The following SDHC variants were observed in gnomAD, a reference collection of about 807,000 sequenced individuals.
SDHC encodes the protein succinate dehydrogenase cytochrome b560 subunit, mitochondrial.
A neutral mutation model predicts 22.6 loss-of-function variants in SDHC; 11 were observed. The ratio of observed to expected loss-of-function variants is 0.49; its 90% CI spans 0.31 to 0.81. The LOEUF is 0.81. SDHC is among the 30% of genes least tolerant of loss of function. The pLI, the probability that SDHC is intolerant of heterozygous loss-of-function variation, is 0.05. For missense variants in SDHC, 160 were observed against 212.0 expected (o/e 0.75, Z 1.52); for synonymous variants, 80 against 77.8 (o/e 1.03, Z -0.15).
intron 3 of SDHC, among the ~76,000 whole-genome samples, chr1:161,330,172 C>T (rs1336580483): frequency 6.6e-6 from 1 of 152,168 alleles, no homozygotes; most frequent in Non-Finnish European, 1.5e-5. Flanking sequence ...ATACATTCAC[C>T]ACATCGCGGT....
At chr1:161,324,647 A>C (rs938139152) in intron 2 of SDHC, among the ~76,000 whole-genome samples, 34 of 152,296 alleles carry the variant, frequency 2.2e-4, no homozygotes, top group African/African-American at 8.2e-4. Flanking sequence ...AAACTGGTAA[A>C]ATATTAATGA....
chr1:161,340,614 T>C lies in SDHC; in HGVS notation c.200T>C (p.Met67Thr), dbSNP rs1287584713. ...TIYSWSLPMA[M>T]SICHRGTGIA... is the part of the protein sequence containing the mutation. The stretch of plus-strand genomic sequence containing the variant: ...TACAGTTGGTCTCTTCCCATGGCGA[T>C]GTCCATCTGCCACCGTGGCACTGGT... Residue 67 changes from methionine to threonine, a missense_variant, in exon 4 of 6, where the codon ATG becomes ACG. Physicochemically the swap from Met to Thr is moderately conservative, Grantham distance 81. Transcript: ENST00000367975. 6.2e-7 allele frequency: 1 copy of C among 1,613,972 alleles called. No homozygotes were observed. The highest frequency in any genetic ancestry group is 8.5e-7 in the Non-Finnish European group (1 of 1,179,832).
At chr1:161,320,801 A>T (rs1670808564) in intron 1 of SDHC, among the ~76,000 whole-genome samples, 1 of 151,004 alleles carries the variant, frequency 6.6e-6, no homozygotes, top group Non-Finnish European at 1.5e-5. Context: ...CTCAAGTTAT[A>T]CAACTTATTC....
intron 3 of SDHC, among the ~76,000 whole-genome samples, chr1:161,338,176 A>C (rs772582464): frequency 4.6e-5 from 7 of 151,940 alleles, no homozygotes; most frequent in Non-Finnish European, 1.0e-4. Context: ...TCTGTTGTTA[A>C]ATCTGAGTTG....
intron 1 of SDHC, among the ~76,000 whole-genome samples, chr1:161,321,617 G>A (rs1670840257): frequency 6.6e-6 from 1 of 152,210 alleles, no homozygotes; most frequent in African/African-American, 2.4e-5. Context: ...GGTATACAAT[G>A]TCTGTATTCA....
At chr1:161,336,931 G>A (rs1320806211) in intron 3 of SDHC, among the ~76,000 whole-genome samples, 1 of 151,898 alleles carries the variant, frequency 6.6e-6, no homozygotes, top group Non-Finnish European at 1.5e-5. Flanking sequence ...GTGCAGTGGC[G>A]TGATCACGGC....
intron 5 of SDHC, among the ~76,000 whole-genome samples, chr1:161,357,839 A>T (rs1672341589): frequency 6.6e-6 from 1 of 152,192 alleles, no homozygotes; most frequent in Admixed American, 6.6e-5. Flanking sequence ...TGAGCTAGAT[A>T]ACCATTGTTG....
intron 1 of SDHC, among the ~76,000 whole-genome samples, chr1:161,322,749 T>G (rs1247163703): frequency 6.6e-6 from 1 of 150,396 alleles, no homozygotes; most frequent in Non-Finnish European, 1.5e-5. Context: ...ATGTTTTTTG[T>G]AGAGATGGGG....
chr1:161,333,634 C>G (rs994708253), intron 3 of SDHC, among the ~76,000 whole-genome samples: 1 of 152,116 alleles, frequency 6.6e-6, no homozygotes, highest in Admixed American at 6.5e-5. Flanking sequence ...GATCTCTTGA[C>G]CTCATGATCC....
intron 4 of SDHC, among the ~76,000 whole-genome samples, chr1:161,348,025 C>T (rs1199020476): frequency 6.6e-6 from 1 of 152,048 alleles, no homozygotes; most frequent in Non-Finnish European, 1.5e-5. Flanking sequence ...AGCTGGCCTC[C>T]TGGATAAATA....
intron 1 of SDHC, among the ~76,000 whole-genome samples, chr1:161,319,258 T>A (rs1427226917): frequency 6.7e-6 from 1 of 149,330 alleles, no homozygotes; most frequent in African/African-American, 2.5e-5. Flanking sequence ...AATAAAGTAC[T>A]GTGGTACTAT....
chr1:161,340,750 C>G, intron 4 of SDHC, 95 bp downstream of exon 4: 2 of 916,098 alleles, frequency 2.2e-6, no homozygotes, highest in Non-Finnish European at 3.7e-6. Context: ...AAACTCAGCA[C>G]TTGATTTAGA....
intron 5 of SDHC, among the ~76,000 whole-genome samples, chr1:161,358,789 G>A (rs143008460): frequency 6.0e-4 from 92 of 152,220 alleles, no homozygotes; most frequent in Admixed American, 1.7e-3. Flanking sequence ...AGCCGGGCAT[G>A]GTGGCACATG....
At position 161,363,098 on chromosome 1, in the gene SDHC, T is replaced by C. The variant is rs1010893931; in HGVS notation, c.*665T>C. 3.4e-5 allele frequency: 8 copies of C among 234,876 alleles called. No homozygotes were observed. The highest frequency in any genetic ancestry group is 1.8e-4 in the African/African-American group (8 of 45,354). The allele number at this position is 234,876 out of a possible 1,614,324, so 14.5% of individuals were successfully genotyped here. On this transcript the variant is annotated 3_prime_UTR_variant, in exon 6 of 6. Coordinates refer to ENST00000367975, the MANE Select transcript of SDHC (RefSeq NM_003001.5). ...ACATATTAATGGTTATTTCTTTTTC[T>C]TGGATTTCCAGAAAAGCCTCTTAAT...
At chr1:161,315,017 C>G (rs1472408071) in intron 1 of SDHC, 1 of 152,880 alleles carries the variant, frequency 6.5e-6, no homozygotes, top group Admixed American at 6.5e-5. Context: ...AATCATTTTA[C>G]TTGGGAGGGA....
At chr1:161,354,750 C>A (rs1672212353) in intron 4 of SDHC, among the ~76,000 whole-genome samples, 1 of 149,090 alleles carries the variant, frequency 6.7e-6, no homozygotes, top group South Asian at 2.1e-4. Context: ...CACTCTGTTG[C>A]CCAGGCTGGA....
chr1:161,349,323 G>A (rs1265081203), intron 4 of SDHC, among the ~76,000 whole-genome samples: 1 of 152,090 alleles, frequency 6.6e-6, no homozygotes, highest in Non-Finnish European at 1.5e-5. Context: ...AATTAGCTGG[G>A]TGTAGGTGGC....
intron 2 of SDHC, among the ~76,000 whole-genome samples, chr1:161,326,173 G>A (rs1463174335): frequency 1.3e-5 from 2 of 151,586 alleles, no homozygotes; most frequent in Admixed American, 1.3e-4. Flanking sequence ...CTGCACTCCA[G>A]TTTGGCCACA....
intron 1 of SDHC, among the ~76,000 whole-genome samples, chr1:161,315,855 C>T (rs893575611): frequency 2.6e-5 from 4 of 151,990 alleles, no homozygotes; most frequent in South Asian, 2.1e-4. Flanking sequence ...GGATCCCCGC[C>T]GGCCTCTGAG....
Sources: gnomAD v4.1 joint callset for allele counts (sites outside exome capture counted in the v4.1 genomes callset) on GRCh38, gnomAD v4.1.1 for gene constraint, MANE v1.5 for transcripts, NCBI Gene and HGNC (gene_info 2026-07-23, HGNC 2026-07-21) for gene names.